CD2AP: variants seen among roughly 807,000 people sequenced by gnomAD.
The protein encoded by CD2AP is CD2-associated protein.
Under a neutral mutation model 85.1 loss-of-function variants are expected in CD2AP, and 46 were observed. The ratio of observed to expected loss-of-function variants is 0.54; its 90% confidence interval spans 0.43 to 0.69. The LOEUF (loss-of-function observed/expected upper bound fraction) is 0.69, where lower values mean the gene tolerates loss of function less well. Ranked by LOEUF, CD2AP falls within the 30% of genes least tolerant of loss-of-function variation. The probability of loss-of-function intolerance (pLI) is 0.00; values close to 1 mark genes in which losing one functional copy is unlikely to be tolerated. For synonymous variants in CD2AP, 255 were observed against 252.9 expected (o/e 1.01, Z -0.08); for missense variants, 769 against 729.5 (o/e 1.05, Z -0.62).
intron 1 of CD2AP, among the ~76,000 whole-genome samples, chr6:47,487,919 C>G (rs1315292533): frequency 6.6e-6 from 1 of 151,820 alleles, no homozygotes; most frequent in African/African-American, 2.4e-5. Flanking sequence ...GTAGAGAGGG[C>G]CAACCTAACA....
At chr6:47,605,566 G>A (rs1769247956) in intron 13 of CD2AP, among the ~76,000 whole-genome samples, 1 of 151,510 alleles carries the variant, frequency 6.6e-6, no homozygotes, top group African/African-American at 2.4e-5. Flanking sequence ...ACACAATAAT[G>A]TCTAAACAAA....
chr6:47,595,752 G>A (rs558738835), intron 11 of CD2AP, 109 bp from the exon 12 acceptor site: 7 of 811,760 alleles, frequency 8.6e-6, no homozygotes, highest in Middle Eastern at 2.6e-4. Context: ...GAGAATGAAA[G>A]TTCATGTCTG....
At position 47,528,029 on chromosome 6, in the gene CD2AP, T is replaced by A. The variant is rs530496582; in HGVS notation, c.166-5573T>A. Among the ~76,000 whole-genome samples, 22 of 152,314 alleles carry A rather than the reference T, an allele frequency of 1.4e-4. 1 individual carries two copies. In the South Asian group the frequency reaches 4.6e-3, roughly 32 times the overall value. On this transcript the variant is annotated intron_variant, in intron 2 of 17. Coordinates refer to ENST00000359314, the MANE Select transcript of CD2AP (RefSeq NM_012120.3). ...TTTTATATATGTGGTGTTGTAAAAT[T>A]GGTTTGTTTTATTCAATAGTGTGAT...
intron 1 of CD2AP, among the ~76,000 whole-genome samples, chr6:47,488,723 C>CA (rs57570487): frequency 0.92 from 122,886 of 133,722 alleles, 56,938 homozygotes; most frequent in South Asian, 0.99. Flanking sequence ...TCCATCTCTC[C>CA]AAAAAAAAAA....
intron 15 of CD2AP, among the ~76,000 whole-genome samples, chr6:47,608,387 C>A (rs1562055015): frequency 1.3e-5 from 2 of 152,230 alleles, no homozygotes; most frequent in East Asian, 3.9e-4. Flanking sequence ...TCAGTATATA[C>A]TGGAATTAAT....
Position 47,608,051 on chromosome 6 carries a change from G to T in CD2AP, c.1632+23G>T, listed in dbSNP as rs563475658. On this transcript the variant is annotated intron_variant, in intron 15 of 17. Transcript: ENST00000359314. ...AAGGTGAGGTGCATTGTGGTCTAAG[G>T]TTTGTTGACTTTCTGGGATTCTTTG... 5 of 1,513,616 alleles carry T rather than the reference G, an allele frequency of 3.3e-6. No individual in the cohort carries two copies. The East Asian group carries it at 6.8e-5, about 20-fold the overall frequency. 93.8% of individuals were successfully genotyped at this position (1,513,616 alleles called of 1,614,324 possible).
At position 47,624,517 on chromosome 6, in the gene CD2AP, G is replaced by GT. The variant is rs1226229293; in HGVS notation, c.*297dup. ...AATATAAATAAGAATGTGCACAGTAGTTTTTTTATTGAAACTTGTATTATT... is the reference window on the plus strand; with the variant it reads ...AATATAAATAAGAATGTGCACAGTAGTTTTTTTTATTGAAACTTGTATTATT... On this transcript the variant is annotated 3_prime_UTR_variant, in exon 18 of 18. Transcript: ENST00000359314. 21 of 333,776 alleles carry GT rather than the reference G, an allele frequency of 6.3e-5. No homozygotes were observed. The highest frequency in any genetic ancestry group is 9.8e-5 in the Non-Finnish European group (18 of 183,106). The allele number at this position is 333,776 out of a possible 1,614,324, so 20.7% of individuals were successfully genotyped here.
chr6:47,581,111 T>A (rs879400282), intron 10 of CD2AP, among the ~76,000 whole-genome samples: 3 of 152,192 alleles, frequency 2.0e-5, no homozygotes, highest in Admixed American at 1.3e-4. Flanking sequence ...CTTGAAAATG[T>A]AGATACTTTA....
chr6:47,600,257 T>G (rs1401365347), intron 13 of CD2AP, among the ~76,000 whole-genome samples: 1 of 151,928 alleles, frequency 6.6e-6, no homozygotes, highest in Non-Finnish European at 1.5e-5. Flanking sequence ...ATCACATAAA[T>G]CAAAGGAGAA....
At chr6:47,577,158 T>C (rs1271054477) in intron 8 of CD2AP, 55 bp downstream of exon 8, 1 of 959,372 alleles carries the variant, frequency 1.0e-6, no homozygotes. Context: ...GAAATATTTT[T>C]CAAAAGTTAT....
At chr6:47,499,251 A>G (rs914191775) in intron 1 of CD2AP, among the ~76,000 whole-genome samples, 3 of 151,956 alleles carry the variant, frequency 2.0e-5, no homozygotes, top group African/African-American at 7.3e-5. Flanking sequence ...TCTCATTACC[A>G]TTGGGATGTT....
At chr6:47,558,876 T>C (rs1180995441) in intron 5 of CD2AP, among the ~76,000 whole-genome samples, 1 of 152,196 alleles carries the variant, frequency 6.6e-6, no homozygotes, top group African/African-American at 2.4e-5. Context: ...TGTTGTTGTT[T>C]GGAATAGTTT....
chr6:47,574,573 A>G (rs1352813919), intron 6 of CD2AP, among the ~76,000 whole-genome samples: 3 of 148,534 alleles, frequency 2.0e-5, no homozygotes, highest in Non-Finnish European at 4.5e-5. Flanking sequence ...ATATAAATTT[A>G]GTTATATATA....
intron 1 of CD2AP, among the ~76,000 whole-genome samples, chr6:47,481,438 T>A (rs1209983492): frequency 2.6e-5 from 4 of 152,088 alleles, no homozygotes; most frequent in African/African-American, 9.7e-5. Context: ...CTCCGCCTCC[T>A]GGGTTCAAGG....
At chr6:47,569,866 G>A (rs779998902) in intron 5 of CD2AP, among the ~76,000 whole-genome samples, 1 of 152,116 alleles carries the variant, frequency 6.6e-6, no homozygotes, top group African/African-American at 2.4e-5. Context: ...ACTCCTCCTG[G>A]TGAGCAGCTT....
chr6:47,520,730 G>GTTTT (rs35163088), intron 2 of CD2AP, among the ~76,000 whole-genome samples: 5 of 86,372 alleles, frequency 5.8e-5, no homozygotes, highest in Admixed American at 1.3e-4. Context: ...TGGTGCTACA[G>GTTTT]TTTTTTTTTT....
At chr6:47,499,891 G>C (rs2113977112) in intron 1 of CD2AP, among the ~76,000 whole-genome samples, 1 of 152,236 alleles carries the variant, frequency 6.6e-6, no homozygotes, top group East Asian at 1.9e-4. Context: ...ACCACGCCCG[G>C]CTAATTTTTG....
chr6:47,599,511 A>G (rs775704123), intron 13 of CD2AP, 68 bp downstream of exon 13: 10 of 1,362,918 alleles, frequency 7.3e-6, no homozygotes, highest in Non-Finnish European at 1.0e-5. Context: ...TTTAAGAGAT[A>G]TATTTATGCA....
At chr6:47,517,275 A>G (rs1191442351) in intron 2 of CD2AP, among the ~76,000 whole-genome samples, 1 of 151,140 alleles carries the variant, frequency 6.6e-6, no homozygotes, top group Non-Finnish European at 1.5e-5. Context: ...CTGTGAGCCA[A>G]TTAAACTTCT....
Sources: gnomAD v4.1 joint callset for allele counts (sites outside exome capture counted in the v4.1 genomes callset) on GRCh38, gnomAD v4.1.1 for gene constraint, MANE v1.5 for transcripts, NCBI Gene and HGNC (gene_info 2026-07-23, HGNC 2026-07-21) for gene names.